Variants in LIMA1 observed in about 807,000 individuals in gnomAD.
LIMA1 encodes LIM domain and actin binding 1.
In LIMA1, 52 loss-of-function variants were observed where a neutral mutation model predicts 62.6. The ratio of observed to expected loss-of-function variants is 0.83; its 90% CI spans 0.67 to 1.05. The LOEUF (loss-of-function observed/expected upper bound fraction) is 1.05, where lower values mean the gene tolerates loss of function less well. LIMA1 is among the 50% of genes least tolerant of loss of function. LIMA1 has a pLI of 0.00. For missense variants in LIMA1, 780 were observed against 902.2 expected, an observed-to-expected ratio of 0.86 and a Z score of 1.74; for synonymous variants, 302 against 317.8, an observed-to-expected ratio of 0.95 and a Z score of 0.53.
In LIMA1 at chr12:50,204,565, G is replaced by A; in HGVS notation, c.851C>T (p.Ser284Leu). The change falls in exon 6 of 11, where the codon TCA (serine) becomes TTA (leucine). Residue 284 changes from serine to leucine, a missense_variant. Coordinates refer to ENST00000341247, the MANE Select transcript of LIMA1 (RefSeq NM_016357.5). ...YQAAVSKQSS[S>L]TNYTNELKAS... ...CAGAACACATACTGTATAGTTGGTT[G>A]AGCTGCTTTGTTTGGACACAGCTGC... 1 of 1,614,028 alleles carries A rather than the reference G, an allele frequency of 6.2e-7. No individual in the cohort carries two copies. The highest frequency in any genetic ancestry group is 8.5e-7 in the Non-Finnish European group (1 of 1,179,990).
intron 4 of LIMA1, chr12:50,217,706 T>TG: frequency 1.5e-5 from 4 of 274,920 alleles, no homozygotes; most frequent in Admixed American, 8.3e-5. Context: ...AGGTCTACAG[T>TG]GGGGGGAAGG....
chr12:50,267,709 G>A (rs192243467), intron 1 of LIMA1, among the ~76,000 whole-genome samples: 32 of 149,622 alleles, frequency 2.1e-4, no homozygotes, highest in Admixed American at 1.3e-4. Flanking sequence ...TAGTAGAGGC[G>A]GGGTTTCACC....
chr12:50,263,971 G>A (rs911618259), intron 1 of LIMA1, among the ~76,000 whole-genome samples: 10 of 149,892 alleles, frequency 6.7e-5, no homozygotes, highest in African/African-American at 1.2e-4. Flanking sequence ...ACAAATGTTC[G>A]TCAACTGATG....
rs146833743 is a variant in LIMA1, at chr12:50,232,740, C to T, written c.120-1030G>A. 2.5e-3 allele frequency among the ~76,000 whole-genome samples: 386 copies of T among 152,340 alleles called. 11 individuals carry two copies. In the East Asian group the frequency reaches 0.063, roughly 25 times the overall value. ...AAGTGGCTCATGCCTGTAATCCCAG[C>T]ACTTCAGAGGCCGAGGTGGGTGGAT... is the stretch of plus-strand genomic sequence containing the variant. On this transcript the variant is annotated intron_variant, in intron 2 of 10. Transcript: ENST00000341247.
At chr12:50,182,822 T>C (rs1940534478) in intron 9 of LIMA1, among the ~76,000 whole-genome samples, 2 of 152,156 alleles carry the variant, frequency 1.3e-5, no homozygotes, top group Admixed American at 6.5e-5. Context: ...CCTGATAAAC[T>C]CAATCCTAAA....
At chr12:50,202,128 A>C (rs961558032) in intron 6 of LIMA1, 2 of 152,234 alleles carry the variant, frequency 1.3e-5, no homozygotes, top group African/African-American at 4.8e-5. Flanking sequence ...CCGGAGGTGC[A>C]TCTGTGAGGA....
intron 1 of LIMA1, among the ~76,000 whole-genome samples, chr12:50,252,286 T>C (rs903021971): frequency 1.5e-4 from 23 of 152,000 alleles, no homozygotes; most frequent in African/African-American, 5.1e-4. Context: ...AAGTTGAAGA[T>C]AGACAAGACT....
intron 10 of LIMA1, among the ~76,000 whole-genome samples, chr12:50,181,465 C>G (rs534236809): frequency 6.6e-6 from 1 of 152,254 alleles, no homozygotes; most frequent in African/African-American, 2.4e-5. Context: ...ACTATTTTCT[C>G]AGAAATAAAG....
intron 1 of LIMA1, among the ~76,000 whole-genome samples, chr12:50,266,242 C>G (rs1942137200): frequency 6.6e-6 from 1 of 152,154 alleles, no homozygotes; most frequent in South Asian, 2.1e-4. Context: ...ACTAAGCACT[C>G]TACATATGTT....
At chr12:50,240,803 T>TAG (rs2138617280) in intron 2 of LIMA1, among the ~76,000 whole-genome samples, 1 of 151,930 alleles carries the variant, frequency 6.6e-6, no homozygotes, top group African/African-American at 2.4e-5. Context: ...GCCACAGGAG[T>TAG]AGATGACATC....
chr12:50,280,144 ATTTTTTTTTTT>A (rs71441354), intron 1 of LIMA1, among the ~76,000 whole-genome samples: 27 of 68,308 alleles, frequency 4.0e-4, no homozygotes, highest in African/African-American at 8.4e-4. Context: ...GGGTAGTAGT[ATTTTTTTTTTT>A]TTTTTTTTTT....
intron 6 of LIMA1, among the ~76,000 whole-genome samples, chr12:50,203,953 G>A (rs1941104286): frequency 1.3e-5 from 2 of 152,162 alleles, no homozygotes; most frequent in African/African-American, 4.8e-5. Context: ...GACTACACAG[G>A]TATGAAGTTT....
At chr12:50,282,314 G>T (rs980663242) in intron 1 of LIMA1, among the ~76,000 whole-genome samples, 4 of 152,020 alleles carry the variant, frequency 2.6e-5, no homozygotes, top group Non-Finnish European at 4.4e-5. Flanking sequence ...AATAGTATTG[G>T]TAACCAAGCA....
Position 50,181,994 on chromosome 12 carries a change from T to G in LIMA1, c.1184A>C (p.Lys395Thr). The change falls in exon 10 of 11, where the codon AAG (lysine) becomes ACG (threonine). Residue 395 changes from lysine (K) to threonine (T), a missense_variant. Transcript: ENST00000341247. ...PARETCVECQ[K>T]TVYPMERLLA... ...GAGACGCTCCATTGGATAGACTGTC[T>G]TCTGACATTCCACGCAGGTCTCTCT... The G allele has an allele frequency of 6.2e-7, 1 of 1,613,284 alleles. No individual in the cohort carries two copies. The highest frequency in any genetic ancestry group is 8.5e-7 in the Non-Finnish European group (1 of 1,180,028).
At chr12:50,231,872 A>G (rs976727078) in intron 2 of LIMA1, among the ~76,000 whole-genome samples, 162 bp from the exon 3 acceptor site, 41 of 151,932 alleles carry the variant, frequency 2.7e-4, no homozygotes, top group African/African-American at 9.2e-4. Flanking sequence ...GGTTCGAGTG[A>G]TTCTCCTGTC....
At chr12:50,192,583 G>C in intron 8 of LIMA1, 22 bp from the exon 9 acceptor site, 1 of 1,556,010 alleles carries the variant, frequency 6.4e-7, no homozygotes, top group Middle Eastern at 1.7e-4. Context: ...ACAAAAGGAA[G>C]ACATTTTACA....
chr12:50,193,001 TGTGC>T (rs56407705), intron 8 of LIMA1, among the ~76,000 whole-genome samples: 41,644 of 139,528 alleles, frequency 0.3, 6,540 homozygotes, highest in East Asian at 0.71. Context: ...TGTGTGTGTG[TGTGC>T]GCGCGTGCGC....
At chr12:50,204,819 A>G in intron 5 of LIMA1, 119 bp from the exon 6 acceptor site, 4 of 917,958 alleles carry the variant, frequency 4.4e-6, no homozygotes, top group South Asian at 1.6e-5. Flanking sequence ...TCCTGAGCTC[A>G]AGATATCCTC....
intron 2 of LIMA1, among the ~76,000 whole-genome samples, chr12:50,234,850 C>T (rs1001675215): frequency 3.9e-5 from 6 of 151,972 alleles, no homozygotes; most frequent in Non-Finnish European, 7.4e-5. Context: ...CCTGTCTCTA[C>T]GAAAAATACA....
Sources: gnomAD v4.1 joint callset for allele counts (sites outside exome capture counted in the v4.1 genomes callset) on GRCh38, gnomAD v4.1.1 for gene constraint, MANE v1.5 for transcripts, NCBI Gene and HGNC (gene_info 2026-07-23, HGNC 2026-07-21) for gene names.